EFCAB13: variants seen among roughly 807,000 people sequenced by gnomAD.
EFCAB13 encodes EF-hand calcium-binding domain-containing protein 13.
A neutral mutation model predicts 110.2 loss-of-function variants in EFCAB13; 91 were observed. That is an observed-to-expected ratio of 0.83 (90% CI 0.70 to 0.98). The LOEUF (loss-of-function observed/expected upper bound fraction) is 0.98, where lower values mean the gene tolerates loss of function less well. Ranked by LOEUF, EFCAB13 falls within the 50% of genes least tolerant of loss-of-function variation. The pLI, the probability that EFCAB13 is intolerant of heterozygous loss-of-function variation, is 0.00. For missense variants in EFCAB13, 968 were observed against 1,119.4 expected, an observed-to-expected ratio of 0.86 and a Z score of 1.93; for synonymous variants, 323 against 369.9, an observed-to-expected ratio of 0.87 and a Z score of 1.45.
chr17:47,422,097 A>C (rs1324641097), intron 23 of EFCAB13, among the ~76,000 whole-genome samples: 1 of 152,214 alleles, frequency 6.6e-6, no homozygotes, highest in African/African-American at 2.4e-5. Flanking sequence ...AAAAGGAAAG[A>C]TATATCACAA....
At chr17:47,339,000 AAAAT>A (rs992118489) in intron 5 of EFCAB13, among the ~76,000 whole-genome samples, 4 of 152,158 alleles carry the variant, frequency 2.6e-5, no homozygotes, top group Admixed American at 2.6e-4. Context: ...AATTTAAAAT[AAAAT>A]AAATAAATAA....
chr17:47,326,294 G>A lies in EFCAB13; in HGVS notation c.-179G>A, dbSNP rs1040555300. On this transcript the variant is annotated 5_prime_UTR_variant, in exon 3 of 25. Coordinates refer to ENST00000331493, the MANE Select transcript of EFCAB13 (RefSeq NM_152347.5). ...GACCTGCCAACTTTTTGATAATCTCGTCAATAAATTACAGAACAATTGTTC... is the reference window on the plus strand; with the variant it reads ...GACCTGCCAACTTTTTGATAATCTCATCAATAAATTACAGAACAATTGTTC... 2.0e-5 allele frequency: 3 copies of A among 151,974 alleles called. No homozygotes were observed. The highest frequency in any genetic ancestry group is 6.6e-5 in the Admixed American group (1 of 15,254). The allele number at this position is 151,974 out of a possible 1,614,324, so 9.4% of individuals were successfully genotyped here. A position where few individuals can be genotyped will look rare whatever the true frequency, so the allele number is the denominator to read the frequency against.
intron 23 of EFCAB13, chr17:47,423,654 G>A (rs1347682308): frequency 5.0e-6 from 2 of 399,276 alleles, no homozygotes; most frequent in Non-Finnish European, 8.5e-6. Context: ...CCAGGTAGGT[G>A]CGGGCGGCGC....
chr17:47,393,249 G>GT (rs557555955), intron 15 of EFCAB13, among the ~76,000 whole-genome samples: 396 of 152,252 alleles, frequency 2.6e-3, no homozygotes, highest in Non-Finnish European at 4.6e-3. Flanking sequence ...TTGGGAAAAA[G>GT]TAAGAAATAT....
At chr17:47,402,736 T>G (rs2143446563) in intron 18 of EFCAB13, among the ~76,000 whole-genome samples, 1 of 152,160 alleles carries the variant, frequency 6.6e-6, no homozygotes, top group East Asian at 1.9e-4. Context: ...AGAAGGAGGA[T>G]TATGATCAAA....
intron 7 of EFCAB13, 122 bp downstream of exon 7, chr17:47,344,414 G>A: frequency 8.1e-7 from 1 of 1,237,044 alleles, no homozygotes; most frequent in South Asian, 1.5e-5. Flanking sequence ...TATGCTGTTA[G>A]GATTGTGTAG....
chr17:47,374,693 A>G lies in EFCAB13; in HGVS notation c.1099A>G (p.Arg367Gly). ...AAGACCAAAAAATACTTGGCAAATA[A>G]GAAAATTTCTGGGTGGGGTTGGCAG... ...SKRPKNTWQI[R>G]KFLGGVGSSN... The change falls in exon 12 of 25, where the codon AGA (arginine) becomes GGA (glycine). Residue 367 changes from arginine (R) to glycine (G), a missense_variant. By Grantham distance (125) the Arg-to-Gly change is moderately radical (BLOSUM62 -2). Transcript: ENST00000331493. 1 of 1,613,026 alleles carries G rather than the reference A, an allele frequency of 6.2e-7. No homozygotes were observed. The highest frequency in any genetic ancestry group is 1.1e-5 in the South Asian group (1 of 90,654).
rs577270687 is a variant in EFCAB13 at position 47,394,132 on chromosome 17, T to C, written c.1801+33T>C. 34 of 1,369,984 alleles carry C rather than the reference T, an allele frequency of 2.5e-5. No homozygotes were observed. In the South Asian group the frequency reaches 4.8e-4, roughly 19 times the overall value. 84.9% of individuals were successfully genotyped at this position (1,369,984 alleles called of 1,614,324 possible). ...AGAATATCATGTCTTCTGCTTTTTG[T>C]GGACCAAATAGTTTGACAGATTTTA... On this transcript the variant is annotated intron_variant, in intron 16 of 24. Coordinates refer to ENST00000331493, the MANE Select transcript of EFCAB13 (RefSeq NM_152347.5).
intron 21 of EFCAB13, 84 bp downstream of exon 21, chr17:47,409,775 C>T: frequency 9.2e-7 from 1 of 1,081,516 alleles, no homozygotes; most frequent in Non-Finnish European, 1.4e-6. Context: ...ATGTATTTCT[C>T]ATTTTTCCTG....
intron 14 of EFCAB13, among the ~76,000 whole-genome samples, chr17:47,389,502 T>G (rs1351074094): frequency 6.6e-6 from 1 of 152,108 alleles, no homozygotes; most frequent in Non-Finnish European, 1.5e-5. Context: ...AATAGAGTTC[T>G]TATCAGCCAC....
intron 14 of EFCAB13, among the ~76,000 whole-genome samples, chr17:47,389,163 G>C (rs1445851715): frequency 6.6e-6 from 1 of 152,076 alleles, no homozygotes; most frequent in African/African-American, 2.4e-5. Context: ...TTCCCAAGTA[G>C]CTGGGATCAC....
chr17:47,343,559 C>CT (rs2065397714), intron 6 of EFCAB13, among the ~76,000 whole-genome samples: 2 of 152,036 alleles, frequency 1.3e-5, no homozygotes, highest in Non-Finnish European at 2.9e-5. Flanking sequence ...ACGTGAGAGT[C>CT]TTTTTTCCAC....
At chr17:47,425,654 T>A (rs1423389467) in intron 23 of EFCAB13, among the ~76,000 whole-genome samples, 4 of 151,896 alleles carry the variant, frequency 2.6e-5, no homozygotes, top group African/African-American at 9.7e-5. Flanking sequence ...AGATAAGGAG[T>A]AGGTACCTTG....
intron 12 of EFCAB13, among the ~76,000 whole-genome samples, chr17:47,375,767 C>T (rs2305940): frequency 0.088 from 13,383 of 152,006 alleles, 850 homozygotes; most frequent in East Asian, 0.35. Context: ...CTTTTGGAAA[C>T]GTTTATTTTG....
chr17:47,356,606 A>C (rs2065482061), intron 9 of EFCAB13, among the ~76,000 whole-genome samples: 1 of 152,152 alleles, frequency 6.6e-6, no homozygotes, highest in Admixed American at 6.5e-5. Flanking sequence ...GAATACCAGC[A>C]CCTGCACCAA....
intron 15 of EFCAB13, among the ~76,000 whole-genome samples, chr17:47,393,749 T>TAAATAAATAA (rs1297830997): frequency 7.3e-6 from 1 of 137,390 alleles, no homozygotes; most frequent in Non-Finnish European, 1.6e-5. Flanking sequence ...AATAAATAAA[T>TAAATAAATAA]AAATAAAAAT....
At chr17:47,345,136 T>A in intron 8 of EFCAB13, 38 bp downstream of exon 8, 1 of 1,441,380 alleles carries the variant, frequency 6.9e-7, no homozygotes. Flanking sequence ...ATACATTTCC[T>A]GGTTATGTGC....
intron 14 of EFCAB13, among the ~76,000 whole-genome samples, chr17:47,384,335 A>G (rs192852887): frequency 3.2e-4 from 48 of 151,816 alleles, no homozygotes; most frequent in Middle Eastern, 3.4e-3. Flanking sequence ...GTTCTATGTT[A>G]ATTTCATCCT....
intron 4 of EFCAB13, among the ~76,000 whole-genome samples, chr17:47,332,324 G>A (rs895517916): frequency 3.3e-5 from 5 of 151,490 alleles, no homozygotes; most frequent in African/African-American, 9.7e-5. Flanking sequence ...GTATTTTGGG[G>A]GCATAATGTA....
Sources: allele counts gnomAD v4.1 joint callset (sites outside exome capture counted in the v4.1 genomes callset), GRCh38; gene constraint gnomAD v4.1.1; transcripts MANE v1.5; gene names NCBI Gene and HGNC (gene_info 2026-07-23, HGNC 2026-07-21).